MGAT4C: variants seen among roughly 807,000 people sequenced by gnomAD.
MGAT4C encodes alpha-1,3-mannosyl-glycoprotein 4-beta-N-acetylglucosaminyltransferase C.
MGAT4C carries 19 observed loss-of-function variants against 40.1 expected under a neutral mutation model. That is an observed-to-expected ratio of 0.47 (90% CI 0.33 to 0.70). MGAT4C has a LOEUF of 0.70. MGAT4C is among the 30% of genes least tolerant of loss of function. The pLI, the probability that MGAT4C is intolerant of heterozygous loss-of-function variation, is 0.02. For synonymous variants in MGAT4C, 181 were observed against 187.1 expected (o/e 0.97, Z 0.27); for missense variants, 491 against 563.2 (o/e 0.87, Z 1.30).
rs1394147791 is a variant in MGAT4C at position 86,141,026 on chromosome 12, G to A, written c.-56-91303C>T. On this transcript the variant is annotated intron_variant, in intron 1 of 4. Coordinates refer to ENST00000611864, the MANE Select transcript of MGAT4C (RefSeq NM_001351288.2). ...TCATGAAATCAGAAAGGTGAAATGT[G>A]CTCATTCTTTTAGGTGTGCCTTATT... Among the ~76,000 whole-genome samples, 5 of 152,270 alleles carry A rather than the reference G, an allele frequency of 3.3e-5. No individual in the cohort carries two copies. In the East Asian group the frequency reaches 9.6e-4, roughly 29 times the overall value.
At chr12:86,606,731 C>T (rs1962058656) in intron 2 of MGAT4C, among the ~76,000 whole-genome samples, 1 of 152,010 alleles carries the variant, frequency 6.6e-6, no homozygotes, top group African/African-American at 2.4e-5. Context: ...CAAACAACTA[C>T]CAAGATTGCT....
intron 2 of MGAT4C, among the ~76,000 whole-genome samples, chr12:86,499,447 C>T (rs1401824760): frequency 2.0e-5 from 3 of 151,674 alleles, no homozygotes; most frequent in Non-Finnish European, 2.9e-5. Flanking sequence ...ATGGGAGAAC[C>T]TGTTTCAAAC....
chr12:86,539,202 G>GT (rs1283188667), intron 2 of MGAT4C, among the ~76,000 whole-genome samples: 1 of 148,676 alleles, frequency 6.7e-6, no homozygotes, highest in Non-Finnish European at 1.5e-5. Flanking sequence ...AGGCTCCGGT[G>GT]TATGACGTTC....
At chr12:86,517,769 C>T (rs186442123) in intron 2 of MGAT4C, among the ~76,000 whole-genome samples, 472 of 152,220 alleles carry the variant, frequency 3.1e-3, no homozygotes, top group African/African-American at 0.011. Context: ...CCTCAGCCTC[C>T]CGAGTAGCTG....
intron 3 of MGAT4C, among the ~76,000 whole-genome samples, chr12:86,401,357 T>C (rs1956360139): frequency 6.6e-6 from 1 of 151,610 alleles, no homozygotes; most frequent in African/African-American, 2.4e-5. Flanking sequence ...AAAGCCCCTA[T>C]TAAGTTAATG....
chr12:86,029,368 T>C (rs777094502), intron 2 of MGAT4C, among the ~76,000 whole-genome samples: 1 of 151,898 alleles, frequency 6.6e-6, no homozygotes, highest in African/African-American at 2.4e-5. Context: ...GCTGATAAAA[T>C]ACTGACCTTA....
intron 1 of MGAT4C, among the ~76,000 whole-genome samples, chr12:86,767,491 AG>A (rs1214189912): frequency 6.6e-6 from 1 of 152,210 alleles, no homozygotes; most frequent in East Asian, 1.9e-4. Context: ...ATAGAAAAAG[AG>A]GGAATCCTCC....
chr12:86,617,245 T>A (rs1407922490), intron 2 of MGAT4C, among the ~76,000 whole-genome samples: 6 of 152,168 alleles, frequency 3.9e-5, no homozygotes, highest in Non-Finnish European at 7.4e-5. Context: ...TTAGATAGAT[T>A]TAGTATTTGT....
Position 86,800,634 on chromosome 12 carries a change from G to T in MGAT4C, c.-262+38032C>A, listed in dbSNP as rs1001269583. On this transcript the variant is annotated intron_variant, in intron 1 of 7. Coordinates refer to the MGAT4C transcript ENST00000548651. ...GTCAGACAATAGGATATTTGAAATGGATATTGCATTTACAATTATTAATAA... is the reference window on the plus strand; with the variant it reads ...GTCAGACAATAGGATATTTGAAATGTATATTGCATTTACAATTATTAATAA... 1.3e-4 allele frequency among the ~76,000 whole-genome samples: 19 copies of T among 151,836 alleles called. No homozygotes were observed. The Admixed American group carries it at 1.3e-3, about 10-fold the overall frequency.
chr12:86,651,816 T>C (rs907075004), intron 2 of MGAT4C, among the ~76,000 whole-genome samples: 1 of 151,842 alleles, frequency 6.6e-6, no homozygotes, highest in African/African-American at 2.4e-5. Flanking sequence ...TGAAACAGGA[T>C]GTTAAAACAG....
chr12:86,223,013 A>G (rs1950941248), intron 1 of MGAT4C, among the ~76,000 whole-genome samples: 1 of 152,154 alleles, frequency 6.6e-6, no homozygotes, highest in African/African-American at 2.4e-5. Context: ...CTGCCTAGAG[A>G]GTGCACAGAG....
chr12:86,680,725 CG>C (rs1949967070), intron 2 of MGAT4C, among the ~76,000 whole-genome samples: 1 of 151,810 alleles, frequency 6.6e-6, no homozygotes, highest in Non-Finnish European at 1.5e-5. Flanking sequence ...TACAGTGCTC[CG>C]AAGGTAAATC....
chr12:86,757,056 G>A (rs1460259938), intron 1 of MGAT4C, among the ~76,000 whole-genome samples: 2 of 151,964 alleles, frequency 1.3e-5, no homozygotes, highest in African/African-American at 2.4e-5. Context: ...ATGAGTTCAG[G>A]TCCTTTGCAG....
chr12:86,396,409 C>T (rs749137040), intron 3 of MGAT4C, among the ~76,000 whole-genome samples: 3 of 152,112 alleles, frequency 2.0e-5, no homozygotes, highest in Non-Finnish European at 4.4e-5. Context: ...TGGAGATTAT[C>T]GAGCTCTACA....
intron 2 of MGAT4C, among the ~76,000 whole-genome samples, chr12:86,675,125 A>C (rs1434693884): frequency 1.3e-5 from 2 of 152,222 alleles, no homozygotes; most frequent in African/African-American, 4.8e-5. Context: ...ATTTGAATGC[A>C]GGTTTTAATG....
chr12:86,656,224 G>T (rs1171534555), intron 2 of MGAT4C, among the ~76,000 whole-genome samples: 1 of 151,824 alleles, frequency 6.6e-6, no homozygotes, highest in Non-Finnish European at 1.5e-5. Flanking sequence ...TTATGTTACT[G>T]ATAAATTTAT....
intron 1 of MGAT4C, among the ~76,000 whole-genome samples, chr12:86,221,708 A>G (rs1001736022): frequency 1.3e-5 from 2 of 152,186 alleles, no homozygotes; most frequent in African/African-American, 4.8e-5. Context: ...ATGTCCATAT[A>G]AAACAAATAC....
chr12:86,781,986 C>G (rs1951849027), intron 1 of MGAT4C, among the ~76,000 whole-genome samples: 1 of 151,810 alleles, frequency 6.6e-6, no homozygotes, highest in African/African-American at 2.4e-5. Flanking sequence ...TATTCATAGA[C>G]TTTTTATTTA....
chr12:86,357,558 C>A (rs1190772535), intron 3 of MGAT4C, among the ~76,000 whole-genome samples: 1 of 152,010 alleles, frequency 6.6e-6, no homozygotes, highest in Non-Finnish European at 1.5e-5. Context: ...TCAAACCCAT[C>A]GCAAAGAAGC....
Sources: gnomAD v4.1 joint callset for allele counts (sites outside exome capture counted in the v4.1 genomes callset) on GRCh38, gnomAD v4.1.1 for gene constraint, MANE v1.5 for transcripts, NCBI Gene and HGNC (gene_info 2026-07-23, HGNC 2026-07-21) for gene names.